ARFGAP3: variants seen among roughly 807,000 people sequenced by gnomAD.
The protein encoded by ARFGAP3 is ADP-ribosylation factor GTPase-activating protein 3.
Under a neutral mutation model 75.0 loss-of-function variants are expected in ARFGAP3, and 72 were observed. The observed-to-expected ratio is 0.96, with a 90% CI of 0.79 to 1.17. The LOEUF is 1.17. ARFGAP3 is among the 50% of genes most tolerant of loss of function. ARFGAP3 has a pLI of 0.00. For missense variants in ARFGAP3, 620 were observed against 626.6 expected (o/e 0.99, Z 0.11); for synonymous variants, 221 against 217.9 (o/e 1.01, Z -0.13).
At chr22:42,844,934 C>G (rs962049064) in intron 2 of ARFGAP3, among the ~76,000 whole-genome samples, 2 of 152,146 alleles carry the variant, frequency 1.3e-5, no homozygotes, top group African/African-American at 4.8e-5. Context: ...GTGATTAAAC[C>G]TGCAATGGCC....
intron 2 of ARFGAP3, among the ~76,000 whole-genome samples, chr22:42,842,011 CTTTTTT>C (rs55825441): frequency 1.1e-5 from 1 of 91,274 alleles, no homozygotes; most frequent in Non-Finnish European, 2.0e-5. Context: ...CCATGCCGGG[CTTTTTT>C]TTTTTTTTTT....
chr22:42,802,257 C>T (rs1924895852), intron 14 of ARFGAP3, among the ~76,000 whole-genome samples: 1 of 151,644 alleles, frequency 6.6e-6, no homozygotes. Context: ...TGGAAGTTTC[C>T]AGGACAACTC....
At chr22:42,831,461 T>G in intron 6 of ARFGAP3, 88 bp downstream of exon 6, 2 of 1,337,668 alleles carry the variant, frequency 1.5e-6, no homozygotes, top group Non-Finnish European at 2.1e-6. Flanking sequence ...CATGAGCCAC[T>G]GTGCCTGGCC....
At chr22:42,841,048 A>AT in intron 2 of ARFGAP3, 32 bp from the exon 3 acceptor site, 1 of 1,603,558 alleles carries the variant, frequency 6.2e-7, no homozygotes. Flanking sequence ...AACTGTTAAT[A>AT]TTTTTTATCC....
chr22:42,817,852 G>A lies in ARFGAP3; in HGVS notation c.818C>T (p.Ser273Leu). ...KVVSKEESIV[S>L]SLRLAYKDLE... Reference sequence around the variant, plus strand: ...ATCCTTATAGGCTAATCGTAATGATGAAACACTGCCAGAAAAACCAAATAC... The same window carrying A: ...ATCCTTATAGGCTAATCGTAATGATAAAACACTGCCAGAAAAACCAAATAC... The change falls in exon 10 of 16, where the codon TCA becomes TTA. Residue 273 changes from serine to leucine, a missense_variant. Ser to Leu is a moderately radical substitution (Grantham distance 145). Transcript: ENST00000263245. 1.2e-6 allele frequency: 2 copies of A among 1,600,948 alleles called. No homozygotes were observed. The highest frequency in any genetic ancestry group is 1.7e-6 in the Non-Finnish European group (2 of 1,173,840).
chr22:42,820,577 C>T (rs1339992947), intron 9 of ARFGAP3, among the ~76,000 whole-genome samples: 2 of 152,098 alleles, frequency 1.3e-5, no homozygotes, highest in Non-Finnish European at 2.9e-5. Context: ...TCCTTAAAAC[C>T]ACCTCATAAA....
chr22:42,828,232 C>T (rs1926128944), intron 6 of ARFGAP3, among the ~76,000 whole-genome samples: 1 of 151,864 alleles, frequency 6.6e-6, no homozygotes, highest in Admixed American at 6.6e-5. Flanking sequence ...ATCAGCCTGG[C>T]CAACATGGTG....
At chr22:42,818,460 A>T (rs916451038) in intron 9 of ARFGAP3, among the ~76,000 whole-genome samples, 3 of 152,192 alleles carry the variant, frequency 2.0e-5, no homozygotes, top group Non-Finnish European at 2.9e-5. Flanking sequence ...TCAGTCAAAT[A>T]CCACTCTTCT....
chr22:42,835,963 G>A (rs536925819), intron 3 of ARFGAP3, among the ~76,000 whole-genome samples: 2 of 149,564 alleles, frequency 1.3e-5, no homozygotes, highest in African/African-American at 4.9e-5. Context: ...TTTAATTCAC[G>A]AGCAATCCAT....
chr22:42,833,599 T>C (rs1396454519), intron 5 of ARFGAP3, among the ~76,000 whole-genome samples: 1 of 152,068 alleles, frequency 6.6e-6, no homozygotes, highest in African/African-American at 2.4e-5. Context: ...CTACTACAAA[T>C]ACAAAAATTA....
intron 3 of ARFGAP3, among the ~76,000 whole-genome samples, chr22:42,838,427 A>G (rs1480166767): frequency 6.6e-6 from 1 of 151,396 alleles, no homozygotes; most frequent in Non-Finnish European, 1.5e-5. Flanking sequence ...CCTCCTGAGT[A>G]GCTGAGGCTA....
At chr22:42,830,603 A>G (rs1926243291) in intron 6 of ARFGAP3, among the ~76,000 whole-genome samples, 1 of 152,258 alleles carries the variant, frequency 6.6e-6, no homozygotes, top group Non-Finnish European at 1.5e-5. Flanking sequence ...CTGGCCTAAC[A>G]AAGGATGCAC....
At chr22:42,834,834 T>C (rs1052806886) in intron 4 of ARFGAP3, among the ~76,000 whole-genome samples, 17 of 152,242 alleles carry the variant, frequency 1.1e-4, no homozygotes, top group Admixed American at 7.9e-4. Context: ...CTGCAGTTTA[T>C]TTTGTGCTAT....
rs184183729 is a variant in ARFGAP3, at chr22:42,848,503, C to T, written c.70-871G>A. Among the ~76,000 whole-genome samples the T allele has an allele frequency of 4.8e-3, 733 of 152,270 alleles. 4 individuals are homozygous for T. The highest frequency in any genetic ancestry group is 0.017 in the African/African-American group (712 of 41,554). On this transcript the variant is annotated intron_variant, in intron 1 of 15. Coordinates refer to ENST00000263245, the MANE Select transcript of ARFGAP3 (RefSeq NM_014570.5). The stretch of plus-strand genomic sequence containing the variant: ...GATTACAGGCGTGAGCCACCGCGCC[C>T]GGGCTATCATGTATATATTTTAACA...
chr22:42,856,858 G>A (rs1427092507), intron 1 of ARFGAP3, among the ~76,000 whole-genome samples: 1 of 151,470 alleles, frequency 6.6e-6, no homozygotes, highest in Admixed American at 6.6e-5. Context: ...CTCGCCGGGG[G>A]GTGTGCCCGC....
At chr22:42,819,447 A>G (rs1925718476) in intron 9 of ARFGAP3, among the ~76,000 whole-genome samples, 1 of 152,226 alleles carries the variant, frequency 6.6e-6, no homozygotes, top group African/African-American at 2.4e-5. Context: ...CACTAAAAGC[A>G]TGCACTTTGA....
chr22:42,854,072 G>C (rs1182453355), intron 1 of ARFGAP3, among the ~76,000 whole-genome samples: 1 of 152,184 alleles, frequency 6.6e-6, no homozygotes, highest in Non-Finnish European at 1.5e-5. Context: ...TCTGTTCCCA[G>C]AGCCACTCTT....
chr22:42,818,763 T>C (rs1466801152), intron 9 of ARFGAP3, among the ~76,000 whole-genome samples: 2 of 136,470 alleles, frequency 1.5e-5, no homozygotes, highest in Non-Finnish European at 3.3e-5. Flanking sequence ...ATTGTATAAA[T>C]TCCTAGTAAT....
chr22:42,830,116 CT>C (rs1158675189), intron 6 of ARFGAP3, among the ~76,000 whole-genome samples: 1 of 152,156 alleles, frequency 6.6e-6, no homozygotes, highest in African/African-American at 2.4e-5. Flanking sequence ...GACTCCTTTT[CT>C]TTTTCTTCTT....
Sources: allele counts gnomAD v4.1 joint callset (sites outside exome capture counted in the v4.1 genomes callset), GRCh38; gene constraint gnomAD v4.1.1; transcripts MANE v1.5; gene names NCBI Gene and HGNC (gene_info 2026-07-23, HGNC 2026-07-21).